The following BIRC6 variants were observed in gnomAD, a reference collection of about 807,000 sequenced individuals.
BIRC6 encodes the protein dual E2 ubiquitin-conjugating enzyme/E3 ubiquitin-protein ligase BIRC6.
In BIRC6, 98 loss-of-function variants were observed where a neutral mutation model predicts 503.3. The observed-to-expected ratio is 0.19, with a 90% confidence interval of 0.17 to 0.23. The LOEUF is 0.23. Among genes scored for constraint, BIRC6 ranks in the 10% least tolerant of loss-of-function variants. The pLI, the probability that BIRC6 is intolerant of heterozygous loss-of-function variation, is 1.00. For missense variants in BIRC6, 5,360 were observed against 5,806.0 expected (o/e 0.92, Z 2.50); for synonymous variants, 2,240 against 2,078.7 (o/e 1.08, Z -2.11).
intron 10 of BIRC6, among the ~76,000 whole-genome samples, chr2:32,424,083 A>G (rs891147860): frequency 6.6e-5 from 10 of 152,314 alleles, no homozygotes; most frequent in Admixed American, 3.9e-4. Context: ...ACTTGGAAAG[A>G]AAAATATTTT....
intron 26 of BIRC6, among the ~76,000 whole-genome samples, chr2:32,466,806 G>T (rs571071237): frequency 6.3e-4 from 95 of 151,944 alleles, no homozygotes; most frequent in Admixed American, 1.0e-3. Flanking sequence ...GTTTTGTTTT[G>T]GTTTTGGTTT....
chr2:32,415,892 G>T lies in BIRC6; in HGVS notation c.2601G>T (p.Leu867Phe). 1 of 1,613,938 alleles carries T rather than the reference G, an allele frequency of 6.2e-7. No individual in the cohort carries two copies. Residue 867 changes from leucine (L) to phenylalanine (F), a missense_variant, in exon 10 of 74, where the codon TTG becomes TTT. Physicochemically the swap from Leu to Phe is conservative, Grantham distance 22 (BLOSUM62 0). Around this residue, in one of 16 missense-constraint regions of BIRC6, gnomAD observed 700 missense variants for 739.3 expected, o/e 0.95. Transcript: ENST00000421745. ...TSLILLPPDI[L>F]DNREDDCEEP... ...TCATTTTGCTTCCACCCGATATATT[G>T]GATAATCGAGAGGATGACTGTGAGG...
chr2:32,566,121 T>G (rs1478550228), intron 65 of BIRC6: 1 of 152,222 alleles, frequency 6.6e-6, no homozygotes, highest in Non-Finnish European at 1.5e-5. Context: ...TAACCCATTT[T>G]TATACCTTAC....
rs541561702 is a variant in BIRC6, at chr2:32,483,981, A to G, written c.7696+1399A>G. 1.6e-4 allele frequency among the ~76,000 whole-genome samples: 25 copies of G among 152,250 alleles called. No homozygotes were observed. In the East Asian group the frequency reaches 4.6e-3, roughly 28 times the overall value. On this transcript the variant is annotated intron_variant, in intron 39 of 73. Transcript: ENST00000421745. ...TTCTCATTGGGTTTTTTGGGGGTACACACATGGTCTTGCTCTGTCACTCAG... is the reference window on the plus strand; with the variant it reads ...TTCTCATTGGGTTTTTTGGGGGTACGCACATGGTCTTGCTCTGTCACTCAG...
rs1420565457 is a variant in BIRC6, at chr2:32,618,628, T to C, written c.*724T>C. 1 of 152,656 alleles carries C rather than the reference T, an allele frequency of 6.6e-6. No homozygotes were observed. The highest frequency in any genetic ancestry group is 2.4e-5 in the African/African-American group (1 of 41,466). 9.5% of individuals were successfully genotyped at this position (152,656 alleles called of 1,614,324 possible). On this transcript the variant is annotated 3_prime_UTR_variant, in exon 74 of 74. Coordinates refer to ENST00000421745, the MANE Select transcript of BIRC6 (RefSeq NM_016252.4). ...CCTCTGAATGTATCTGTTATTTGAA[T>C]TTAAGTATTTGAAAAGGAATGGTCA...
intron 10 of BIRC6, among the ~76,000 whole-genome samples, chr2:32,426,663 T>C (rs1401299894): frequency 1.3e-5 from 2 of 152,234 alleles, no homozygotes; most frequent in Non-Finnish European, 2.9e-5. Context: ...ACAACCATTA[T>C]CTTTTTAAAA....
rs770712336 is a variant in BIRC6, at chr2:32,397,628, A to ATATG, written c.1034+2036_1034+2037insATGT. ...TGTATATATGTGTGTATATATATAT[A>ATATG]TGTATATATATACACACACACACAC... On this transcript the variant is annotated intron_variant, in intron 6 of 73. Transcript: ENST00000421745. 1.2e-4 allele frequency among the ~76,000 whole-genome samples: 16 copies of ATATG among 138,398 alleles called. No homozygotes were observed. The South Asian group carries it at 1.8e-3, about 16-fold the overall frequency. The allele number at this position is 138,398 out of a possible 152,430, so 90.8% of individuals were successfully genotyped here.
Position 32,529,771 on chromosome 2 carries a change from C to G in BIRC6, c.12041C>G (p.Thr4014Arg). 6.2e-7 allele frequency: 1 copy of G among 1,613,420 alleles called. No homozygotes were observed. Among genetic ancestry groups the G allele is most frequent in the Non-Finnish European group, 8.5e-7 (1 of 1,179,596 alleles). ...LTVKLGSRVI[T>R]DPSLSKTDSY... is the part of the protein sequence containing the mutation. ...GTTAAATTGGGATCAAGAGTTATAA[C>G]AGACCCCAGTCTATCAAAAACAGAT... The change falls in exon 60 of 74, where the codon ACA becomes AGA. Residue 4014 changes from threonine to arginine, a missense_variant. Around this residue, in one of 16 missense-constraint regions of BIRC6, gnomAD observed 878 missense variants for 928.9 expected, o/e 0.95. Transcript: ENST00000421745.
At chr2:32,466,524 T>G (rs2048559001) in intron 26 of BIRC6, among the ~76,000 whole-genome samples, 1 of 152,160 alleles carries the variant, frequency 6.6e-6, no homozygotes, top group Non-Finnish European at 1.5e-5. Context: ...TAAACCCCAA[T>G]GAATGCAATA....
At chr2:32,410,744 A>T (rs1384167951) in intron 9 of BIRC6, among the ~76,000 whole-genome samples, 23 of 149,754 alleles carry the variant, frequency 1.5e-4, no homozygotes, top group Non-Finnish European at 1.5e-5. Context: ...TCTGTCGCCC[A>T]GGCTGGAGTG....
Position 32,575,216 on chromosome 2 carries a change from T to C in BIRC6, c.13205T>C (p.Ile4402Thr), listed in dbSNP as rs1445002927. 1 of 1,614,022 alleles carries C rather than the reference T, an allele frequency of 6.2e-7. No homozygotes were observed. The highest frequency in any genetic ancestry group is 1.1e-5 in the South Asian group (1 of 91,092). ...YRALLELLRA[I>T]ASCAAMVPLL... ...GCACTGCTGGAATTGCTTCGGGCCATTGCTTCTTGTGCTGCCATGGTGCCC... is the reference window on the plus strand; with the variant it reads ...GCACTGCTGGAATTGCTTCGGGCCACTGCTTCTTGTGCTGCCATGGTGCCC... The change falls in exon 66 of 74, where the codon ATT (isoleucine) becomes ACT (threonine). Residue 4402 changes from isoleucine to threonine, a missense_variant. By Grantham distance (89) the Ile-to-Thr change is moderately conservative (BLOSUM62 -1). This residue lies in a region of BIRC6 where 477 missense variants were observed against 574.4 expected (regional missense o/e 0.83). Coordinates refer to ENST00000421745, the MANE Select transcript of BIRC6 (RefSeq NM_016252.4).
chr2:32,558,396 G>C (rs866917704), intron 65 of BIRC6, among the ~76,000 whole-genome samples: 22 of 152,010 alleles, frequency 1.4e-4, no homozygotes, highest in African/African-American at 5.3e-4. Flanking sequence ...AACTCTTTTG[G>C]GGAGCAGTTG....
rs752663589 is a variant in BIRC6 at position 32,515,423 on chromosome 2, C to T, written c.11002C>T (p.His3668Tyr). The change falls in exon 55 of 74, where the codon CAT (histidine) becomes TAT (tyrosine). Residue 3668 changes from histidine to tyrosine, a missense_variant. This residue lies in a region of BIRC6 where 878 missense variants were observed against 928.9 expected (regional missense o/e 0.95). Coordinates refer to ENST00000421745, the MANE Select transcript of BIRC6 (RefSeq NM_016252.4). ...TTCCCAGGACAAACTCAGGCGCCAT[C>T]ATGTCCCACAACAATGTAATAAGAT... ...DISQDKLRRH[H>Y]VPQQCNKMPI... 23 of 1,612,926 alleles carry T rather than the reference C, an allele frequency of 1.4e-5. No homozygotes were observed. In the East Asian group the frequency reaches 4.2e-4, roughly 30 times the overall value.
At chr2:32,476,125 A>C in intron 33 of BIRC6, 88 bp from the exon 34 acceptor site, 1 of 940,682 alleles carries the variant, frequency 1.1e-6, no homozygotes, top group Non-Finnish European at 1.5e-6. Context: ...GCATTCCATT[A>C]GTTTGATGTA....
rs1208797683 is a variant in BIRC6, at chr2:32,416,061, G to A, written c.2770G>A (p.Ala924Thr). The change falls in exon 10 of 74, where the codon GCC becomes ACC. Residue 924 changes from alanine (A) to threonine (T), a missense_variant. Ala to Thr is a moderately conservative substitution (Grantham distance 58, BLOSUM62 0). Around this residue, in one of 16 missense-constraint regions of BIRC6, gnomAD observed 700 missense variants for 739.3 expected, o/e 0.95. Coordinates refer to ENST00000421745, the MANE Select transcript of BIRC6 (RefSeq NM_016252.4). ...AGATCTTTCAAACTTTGAAATTTTG[G>A]CCAAAGTGGAGCCTCCCAAAAAGGA... ...ILDLSNFEIL[A>T]KVEPPKKEGT... The A allele has an allele frequency of 1.2e-6, 2 of 1,613,860 alleles. No individual in the cohort carries two copies. Among genetic ancestry groups the A allele is most frequent in the Non-Finnish European group, 1.7e-6 (2 of 1,179,864 alleles).
chr2:32,523,854 C>G (rs1207973825), intron 57 of BIRC6, among the ~76,000 whole-genome samples: 1 of 152,014 alleles, frequency 6.6e-6, no homozygotes, highest in Non-Finnish European at 1.5e-5. Flanking sequence ...AGGATTTTGA[C>G]AACAGTCTGC....
intron 23 of BIRC6, among the ~76,000 whole-genome samples, chr2:32,460,273 T>TATATATATATA (rs1491408691): frequency 7.7e-4 from 13 of 16,840 alleles, no homozygotes; most frequent in South Asian, 3.0e-3. Flanking sequence ...TATATATATA[T>TATATATATATA]TTTTTTTTTT....
intron 51 of BIRC6, 62 bp from the exon 52 acceptor site, chr2:32,509,676 G>A (rs912579023): frequency 6.3e-7 from 1 of 1,581,222 alleles, no homozygotes; most frequent in Non-Finnish European, 8.6e-7. Context: ...AAAAAGTTAT[G>A]TTCTACCCCG....
chr2:32,473,026 A>G (rs2149033595), intron 32 of BIRC6, 86 bp from the exon 33 acceptor site: 2 of 1,155,652 alleles, frequency 1.7e-6, no homozygotes, highest in Non-Finnish European at 2.4e-6. Context: ...CACATGTATA[A>G]CTGTGTTTTT....
Sources: allele counts gnomAD v4.1 joint callset (sites outside exome capture counted in the v4.1 genomes callset), GRCh38; gene constraint gnomAD v4.1.1; regional missense constraint gnomAD v4.1.1; transcripts MANE v1.5; gene names NCBI Gene and HGNC (gene_info 2026-07-23, HGNC 2026-07-21).